Variants in EPHA5 observed in about 807,000 individuals in gnomAD.
The protein encoded by EPHA5 is ephrin type-A receptor 5.
In EPHA5, 60 loss-of-function variants were observed where a neutral mutation model predicts 105.0. The observed-to-expected ratio is 0.57, with a 90% confidence interval of 0.46 to 0.71. EPHA5 has a LOEUF of 0.71. Ranked by LOEUF, EPHA5 falls within the 30% of genes least tolerant of loss-of-function variation. The pLI is 0.00. For missense variants in EPHA5, 1,218 were observed against 1,274.7 expected (o/e 0.96, Z 0.68); for synonymous variants, 513 against 449.1 (o/e 1.14, Z -1.80).
intron 2 of EPHA5, among the ~76,000 whole-genome samples, chr4:65,602,521 T>C (rs528134404): frequency 6.6e-6 from 1 of 152,310 alleles, no homozygotes; most frequent in South Asian, 2.1e-4. Flanking sequence ...AAGAAATTAT[T>C]ATTCTTCATC....
chr4:65,631,951 C>T (rs1392906496), intron 2 of EPHA5, among the ~76,000 whole-genome samples: 1 of 151,616 alleles, frequency 6.6e-6, no homozygotes, highest in Admixed American at 6.6e-5. Flanking sequence ...ATGTATATCT[C>T]AAAAACCAAA....
At chr4:65,610,433 G>A (rs1744663112) in intron 2 of EPHA5, among the ~76,000 whole-genome samples, 1 of 152,070 alleles carries the variant, frequency 6.6e-6, no homozygotes, top group African/African-American at 2.4e-5. Context: ...CACTATCTGA[G>A]TGACTGAATC....
chr4:65,520,158 T>C (rs1389397766), intron 3 of EPHA5, among the ~76,000 whole-genome samples: 2 of 152,132 alleles, frequency 1.3e-5, no homozygotes, highest in Non-Finnish European at 2.9e-5. Context: ...CAAAACAGCA[T>C]GGTACTGGTA....
chr4:65,422,274 A>G lies in EPHA5; in HGVS notation c.1403-1709T>C, dbSNP rs550636558. Among the ~76,000 whole-genome samples the G allele has an allele frequency of 2.0e-5, 3 of 152,158 alleles. No homozygotes were observed. In the South Asian group the frequency reaches 6.2e-4, roughly 32 times the overall value. Reference sequence around the variant, plus strand: ...CTGGGTAAAGCTGATGAAAGTGGGGATGCTGACAACTCCTGGGGACATAAT... The same window carrying G: ...CTGGGTAAAGCTGATGAAAGTGGGGGTGCTGACAACTCCTGGGGACATAAT... On this transcript the variant is annotated intron_variant, in intron 5 of 16. Coordinates refer to ENST00000613740, the MANE Select transcript of EPHA5 (RefSeq NM_001281766.3).
At chr4:65,333,525 GTGAGAGTGTGTGTC>G (rs1400572015) in intron 15 of EPHA5, among the ~76,000 whole-genome samples, 1 of 121,324 alleles carries the variant, frequency 8.2e-6, no homozygotes, top group South Asian at 2.8e-4. Flanking sequence ...GCGTGTGCGT[GTGAGAGTGTGTGTC>G]TGTGTGTGTG....
Position 65,329,625 on chromosome 4 carries a change from T to C in EPHA5, c.2945+2348A>G, listed in dbSNP as rs571792998. 1.2e-3 allele frequency among the ~76,000 whole-genome samples: 175 copies of C among 151,460 alleles called. 1 individual carries two copies. The Middle Eastern group carries it at 0.02, about 18-fold the overall frequency. ...ATTCTTCCATTCTCAGCTTCTACTA[T>C]CTTCTGACAATAACTCTAAGAATTA... is the stretch of plus-strand genomic sequence containing the variant. On this transcript the variant is annotated intron_variant, in intron 16 of 16. Coordinates refer to ENST00000613740, the MANE Select transcript of EPHA5 (RefSeq NM_001281766.3).
At chr4:65,607,487 C>A (rs1416971389) in intron 2 of EPHA5, among the ~76,000 whole-genome samples, 1 of 115,232 alleles carries the variant, frequency 8.7e-6, no homozygotes, top group Non-Finnish European at 2.1e-5. Flanking sequence ...AACAAACAAA[C>A]AAACAAAAAA....
At chr4:65,597,355 A>G (rs1164932739) in intron 3 of EPHA5, among the ~76,000 whole-genome samples, 1 of 152,196 alleles carries the variant, frequency 6.6e-6, no homozygotes, top group Non-Finnish European at 1.5e-5. Flanking sequence ...AGAACTCAGC[A>G]GGCAACATTT....
intron 3 of EPHA5, among the ~76,000 whole-genome samples, chr4:65,518,761 C>T (rs1734364864): frequency 6.6e-6 from 1 of 151,954 alleles, no homozygotes; most frequent in African/African-American, 2.4e-5. Context: ...CAAGACTAAA[C>T]CAGGAAGAAG....
chr4:65,538,563 A>T (rs927444581), intron 3 of EPHA5, among the ~76,000 whole-genome samples: 1 of 151,810 alleles, frequency 6.6e-6, no homozygotes, highest in Non-Finnish European at 1.5e-5. Context: ...AGTCAATAAA[A>T]TATACACTCT....
intron 3 of EPHA5, among the ~76,000 whole-genome samples, chr4:65,514,544 C>A (rs1318796432): frequency 1.3e-5 from 2 of 152,172 alleles, no homozygotes; most frequent in Non-Finnish European, 2.9e-5. Flanking sequence ...ATTCCAGCCC[C>A]TAGACTTTGA....
chr4:65,391,646 G>A (rs113492931), intron 8 of EPHA5, among the ~76,000 whole-genome samples: 71 of 152,124 alleles, frequency 4.7e-4, no homozygotes, highest in Admixed American at 1.4e-3. Context: ...TGGGTTCTGA[G>A]AGATGTGTAA....
At chr4:65,619,576 T>C (rs957218596) in intron 2 of EPHA5, among the ~76,000 whole-genome samples, 3 of 152,122 alleles carry the variant, frequency 2.0e-5, no homozygotes, top group Non-Finnish European at 2.9e-5. Context: ...AAAGTATCAC[T>C]AAATGAAAAA....
intron 4 of EPHA5, among the ~76,000 whole-genome samples, chr4:65,493,387 A>T (rs1003113542): frequency 1.4e-5 from 2 of 147,654 alleles, no homozygotes; most frequent in Non-Finnish European, 3.0e-5. Context: ...AAAACTTTGT[A>T]TATTCTAGAA....
rs1560567659 is a variant in EPHA5, at chr4:65,465,538, AAAGGAAGGAAAGGAAGG to A, written c.1402+24822_1402+24838del. On this transcript the variant is annotated intron_variant, in intron 5 of 16. Coordinates refer to ENST00000613740, the MANE Select transcript of EPHA5 (RefSeq NM_001281766.3). ...AAGAAAGAAAGAAAGAAAAGAAAGG[AAAGGAAGGAAAGGAAGG>A]AAAGGAAGGAAAGGAAGGAAAGGAA... is the stretch of plus-strand genomic sequence containing the variant. 2.3e-4 allele frequency among the ~76,000 whole-genome samples: 15 copies of A among 65,922 alleles called. No individual in the cohort carries two copies. The East Asian group carries it at 3.9e-3, about 17-fold the overall frequency. 43.2% of individuals were successfully genotyped at this position (65,922 alleles called of 152,430 possible).
At chr4:65,366,340 T>C (rs1717906409) in intron 9 of EPHA5, among the ~76,000 whole-genome samples, 1 of 151,796 alleles carries the variant, frequency 6.6e-6, no homozygotes, top group Non-Finnish European at 1.5e-5. Context: ...ATTAAGACAA[T>C]GTTATTCACC....
intron 2 of EPHA5, among the ~76,000 whole-genome samples, chr4:65,612,564 A>G (rs934554611): frequency 6.6e-6 from 1 of 152,144 alleles, no homozygotes; most frequent in Non-Finnish European, 1.5e-5. Context: ...TCTTTATCCA[A>G]TCATCCTTTG....
chr4:65,569,074 C>T (rs908793014), intron 3 of EPHA5, among the ~76,000 whole-genome samples: 7 of 151,076 alleles, frequency 4.6e-5, no homozygotes, highest in Admixed American at 1.3e-4. Context: ...TGCAAACATG[C>T]CATTGCAAAA....
In EPHA5 at chr4:65,490,507, G is replaced by C. The variant is rs762968961; in HGVS notation, c.1272C>G (p.Thr424=). Residue 424 remains threonine (T), a synonymous_variant, in exon 5 of 17, where the codon ACC becomes ACG. Transcript: ENST00000613740. ...YLPRQSGLKN[T]SVMMVDLLAH... is the part of the protein sequence containing the mutation. ...CGAGTAGATCCACCATCATGACAGA[G>C]GTGTTTTTCAGGCCGCTTTGCCGGG... is the stretch of plus-strand genomic sequence containing the variant. 6.2e-7 allele frequency: 1 copy of C among 1,614,118 alleles called. No individual in the cohort carries two copies. The highest frequency in any genetic ancestry group is 2.2e-5 in the East Asian group (1 of 44,876).
Sources: gnomAD v4.1 joint callset for allele counts (sites outside exome capture counted in the v4.1 genomes callset) on GRCh38, gnomAD v4.1.1 for gene constraint, MANE v1.5 for transcripts, NCBI Gene and HGNC (gene_info 2026-07-23, HGNC 2026-07-21) for gene names.